TUSC3: variants seen among roughly 807,000 people sequenced by gnomAD.
The protein encoded by TUSC3 is dolichyl-diphosphooligosaccharide--protein glycosyltransferase subunit TUSC3.
A neutral mutation model predicts 44.8 loss-of-function variants in TUSC3; 45 were observed. The observed-to-expected ratio is 1.00, with a 90% confidence interval of 0.79 to 1.29. The LOEUF is 1.29. Among genes scored for constraint, TUSC3 ranks in the 50% most tolerant of loss-of-function variants. The probability of loss-of-function intolerance (pLI) is 0.00; values close to 1 mark genes in which losing one functional copy is unlikely to be tolerated. For synonymous variants in TUSC3, 212 were observed against 152.9 expected (o/e 1.39, Z -2.85); for missense variants, 519 against 437.9 (o/e 1.19, Z -1.65).
chr8:15,787,576 A>G, the TUSC3 span, among the ~76,000 whole-genome samples: 1 of 152,188 alleles, frequency 6.6e-6, no homozygotes, highest in Non-Finnish European at 1.5e-5. Context: ...ACTTCTGTAT[A>G]TTTTCTCACA....
rs1374326760 is a variant in TUSC3, at chr8:15,766,241, A to AAT, written c.*2089_*2090dup. 6.6e-6 allele frequency: 1 copy of AAT among 152,070 alleles called. No homozygotes were observed. Among genetic ancestry groups the AAT allele is most frequent in the Non-Finnish European group, 1.5e-5 (1 of 67,966 alleles). 9.4% of individuals were successfully genotyped at this position (152,070 alleles called of 1,614,324 possible). A position where few individuals can be genotyped will look rare whatever the true frequency, so the allele number is the denominator to read the frequency against. On this transcript the variant is annotated 3_prime_UTR_variant, in exon 11 of 11. Coordinates refer to ENST00000503731, the MANE Select transcript of TUSC3 (RefSeq NM_006765.4). ...CATTAGGGAAGTGATTCTAGAGCAA[A>AAT]ATATACTGCCTCAACATAAGTCGTT...
the TUSC3 span, among the ~76,000 whole-genome samples, chr8:15,813,158 G>C: frequency 6.6e-6 from 1 of 152,058 alleles, no homozygotes; most frequent in East Asian, 1.9e-4. Context: ...CAATGCTTTT[G>C]TATCATTGGG....
the TUSC3 span, among the ~76,000 whole-genome samples, chr8:15,794,216 G>C: frequency 2.0e-5 from 3 of 152,140 alleles, no homozygotes; most frequent in East Asian, 1.9e-4. Context: ...TCTCTTCTTG[G>C]TCGTTTTTTG....
chr8:15,673,573 G>A (rs777171122), intron 5 of TUSC3, among the ~76,000 whole-genome samples, 174 bp from the exon 6 acceptor site: 31 of 152,034 alleles, frequency 2.0e-4, no homozygotes, highest in Non-Finnish European at 3.2e-4. Context: ...CTGAGATGCA[G>A]GGAGAATAAG....
chr8:15,464,510 T>A (rs17121473), intron 1 of TUSC3, among the ~76,000 whole-genome samples: 1 of 152,182 alleles, frequency 6.6e-6, no homozygotes, highest in African/African-American at 2.4e-5. Context: ...TATCTAGTGA[T>A]CTGTTTGACA....
intron 6 of TUSC3, among the ~76,000 whole-genome samples, chr8:15,699,402 C>T (rs1809303483): frequency 6.6e-6 from 1 of 152,160 alleles, no homozygotes; most frequent in African/African-American, 2.4e-5. Context: ...CTTGCTCTGT[C>T]TGTACTGTTT....
chr8:15,763,385 T>C (rs1190887966), intron 10 of TUSC3, among the ~76,000 whole-genome samples: 3 of 151,920 alleles, frequency 2.0e-5, no homozygotes, highest in Non-Finnish European at 1.5e-5. Context: ...CTACATGTTT[T>C]TTTTTTGATG....
At chr8:15,680,391 G>T (rs921484624) in intron 6 of TUSC3, among the ~76,000 whole-genome samples, 4 of 151,748 alleles carry the variant, frequency 2.6e-5, no homozygotes, top group African/African-American at 9.7e-5. Flanking sequence ...TTCTTGATTT[G>T]GTTCTTGACT....
rs147883232 is a variant in TUSC3, at chr8:15,516,339, C to T, written n.189+32856C>T. On this transcript the variant is annotated intron_variant and non_coding_transcript_variant, in intron 2 of 5. Transcript: ENST00000503191. ...TAAGTGTTCTCATTTACCTTAATTA[C>T]CGATAATTTCATTTTATGTACTAGC... is the stretch of plus-strand genomic sequence containing the variant. 5.0e-3 allele frequency among the ~76,000 whole-genome samples: 767 copies of T among 152,230 alleles called. 6 individuals are homozygous for T. The highest frequency in any genetic ancestry group is 0.017 in the African/African-American group (725 of 41,542).
intron 2 of TUSC3, among the ~76,000 whole-genome samples, chr8:15,496,039 T>A (rs930189386): frequency 2.0e-5 from 3 of 152,266 alleles, no homozygotes; most frequent in Admixed American, 1.3e-4. Flanking sequence ...CCCATCACCC[T>A]TATTTTATTT....
chr8:15,492,809 C>T (rs149726922), intron 2 of TUSC3, among the ~76,000 whole-genome samples: 1 of 151,424 alleles, frequency 6.6e-6, no homozygotes, highest in African/African-American at 2.4e-5. Flanking sequence ...AATAATATGT[C>T]ATTTAACAAT....
intron 2 of TUSC3, among the ~76,000 whole-genome samples, chr8:15,530,801 A>G (rs1263419664): frequency 6.6e-6 from 1 of 152,206 alleles, no homozygotes; most frequent in Non-Finnish European, 1.5e-5. Context: ...TTTCATCCTC[A>G]CAAGAGTCTT....
intron 2 of TUSC3, among the ~76,000 whole-genome samples, chr8:15,511,484 G>A (rs1284402284): frequency 1.3e-5 from 2 of 152,094 alleles, no homozygotes; most frequent in Non-Finnish European, 2.9e-5. Flanking sequence ...CTCTATATTA[G>A]CAATGAACAG....
At chr8:15,557,479 C>A (rs1241707848) in intron 1 of TUSC3, among the ~76,000 whole-genome samples, 1 of 49,530 alleles carries the variant, frequency 2.0e-5, no homozygotes, top group Admixed American at 2.5e-4. Context: ...ATTGACTTGG[C>A]GATGCGGGCT....
intron 2 of TUSC3, among the ~76,000 whole-genome samples, chr8:15,631,809 G>C (rs774700518): frequency 6.6e-5 from 10 of 151,862 alleles, no homozygotes; most frequent in Admixed American, 1.3e-4. Flanking sequence ...GGGTTCAAGC[G>C]ATTCTCCTGC....
intron 6 of TUSC3, among the ~76,000 whole-genome samples, chr8:15,683,260 T>C (rs1205093176): frequency 6.6e-6 from 1 of 152,218 alleles, no homozygotes; most frequent in Non-Finnish European, 1.5e-5. Flanking sequence ...GTTTTCTGCT[T>C]TCTCTTAAGA....
chr8:15,759,918 G>C (rs570702874), intron 10 of TUSC3, among the ~76,000 whole-genome samples: 1 of 152,076 alleles, frequency 6.6e-6, no homozygotes, highest in South Asian at 2.1e-4. Context: ...AAATCTTGAA[G>C]TCATTTTGTC....
chr8:15,562,633 T>A (rs1005207263), intron 1 of TUSC3, among the ~76,000 whole-genome samples: 1 of 152,126 alleles, frequency 6.6e-6, no homozygotes, highest in South Asian at 2.1e-4. Context: ...TGGGTCCTCT[T>A]CTCAACTCAT....
intron 1 of TUSC3, among the ~76,000 whole-genome samples, chr8:15,458,849 C>T (rs1440720819): frequency 6.6e-6 from 1 of 152,170 alleles, no homozygotes; most frequent in Non-Finnish European, 1.5e-5. Flanking sequence ...AAAAAGCTGT[C>T]TTGGATTTTA....
Sources: allele counts gnomAD v4.1 joint callset (sites outside exome capture counted in the v4.1 genomes callset), GRCh38; gene constraint gnomAD v4.1.1; transcripts MANE v1.5; gene names NCBI Gene and HGNC (gene_info 2026-07-23, HGNC 2026-07-21).